The following RMI2 variants were observed in gnomAD, a reference collection of about 807,000 sequenced individuals.
RMI2 encodes recQ-mediated genome instability protein 2.
A neutral mutation model predicts 8.4 loss-of-function variants in RMI2; 11 were observed. The ratio of observed to expected loss-of-function variants is 1.32; its 90% CI spans 0.83 to 2.18. The LOEUF (loss-of-function observed/expected upper bound fraction) is 2.18. RMI2 is among the 30% of genes most tolerant of loss of function. The pLI is 0.00. For missense variants in RMI2, 253 were observed against 207.5 expected, an observed-to-expected ratio of 1.22 and a Z score of -1.35; for synonymous variants, 105 against 93.8, an observed-to-expected ratio of 1.12 and a Z score of -0.69.
At chr16:11,346,888 G>T (rs2141211867) in intron 1 of RMI2, among the ~76,000 whole-genome samples, 1 of 152,340 alleles carries the variant, frequency 6.6e-6, no homozygotes, top group East Asian at 1.9e-4. Context: ...ACCACGCCTG[G>T]TTTGGGGGCC....
chr16:11,351,130 T>A lies in RMI2; in HGVS notation c.*340T>A, dbSNP rs1466467641. On this transcript the variant is annotated 3_prime_UTR_variant, in exon 2 of 2. Transcript: ENST00000312499. ...TTCCAAATTTTATGAGTGATGATAC[T>A]TTTTCCATTACTGCTGCGTCCCTGT... The A allele has an allele frequency of 7.9e-6, 2 of 251,714 alleles. No homozygotes were observed. The highest frequency in any genetic ancestry group is 4.4e-5 in the African/African-American group (2 of 45,620). 15.6% of individuals were successfully genotyped at this position (251,714 alleles called of 1,614,324 possible). A position where few individuals can be genotyped will look rare whatever the true frequency, so the allele number is the denominator to read the frequency against.
In RMI2 at chr16:11,350,738, A is replaced by G. The variant is rs1366145059; in HGVS notation, c.392A>G (p.His131Arg). ...ACAGACCTTTCTGATAATCCCATCC[A>G]TGAAAGTATGTGGGAACTGGAGGTA... The part of the protein sequence containing the change: ...KMTDLSDNPI[H>R]ESMWELEVED... Residue 131 changes from histidine to arginine, a missense_variant, in exon 2 of 2, where the codon CAT becomes CGT. His to Arg is a conservative substitution (Grantham distance 29). Transcript: ENST00000312499. 10 of 1,613,628 alleles carry G rather than the reference A, an allele frequency of 6.2e-6. No individual in the cohort carries two copies. The highest frequency in any genetic ancestry group is 1.6e-4 in the Middle Eastern group (1 of 6,062).
In RMI2 at chr16:11,349,825, A is replaced by G. The variant is rs75445525; in HGVS notation, c.296-817A>G. Among the ~76,000 whole-genome samples, 692 of 152,280 alleles carry G rather than the reference A, an allele frequency of 4.5e-3. 3 individuals carry two copies. Among genetic ancestry groups the G allele is most frequent in the African/African-American group, 0.016 (648 of 41,556 alleles). ...AGCATTTGGAGTTTTCTTTTACACA[A>G]TCGGGTTTTATGTGGTTGAGACTGG... On this transcript the variant is annotated intron_variant, in intron 1 of 1. Coordinates refer to ENST00000312499, the MANE Select transcript of RMI2 (RefSeq NM_152308.3). The surrounding 1 kb of genome is among the most constrained non-coding windows in gnomAD (Gnocchi z 4.2).
chr16:11,346,989 C>T (rs2070884013), intron 1 of RMI2, among the ~76,000 whole-genome samples: 1 of 152,234 alleles, frequency 6.6e-6, no homozygotes, highest in African/African-American at 2.4e-5. Context: ...TGGCCCAGTT[C>T]CTGACACATA....
At position 11,350,730 on chromosome 16, in the gene RMI2, T is replaced by G. The variant is rs1382028514; in HGVS notation, c.384T>G (p.Asn128Lys). Residue 128 changes from asparagine to lysine, a missense_variant, in exon 2 of 2, where the codon AAT becomes AAG. Asn to Lys is a moderately conservative substitution (Grantham distance 94). Transcript: ENST00000312499. ...TGAAGATGACAGACCTTTCTGATAA[T>G]CCCATCCATGAAAGTATGTGGGAAC... ...QAVKMTDLSDNPIHESMWELE... is the reference protein window; with the variant it reads ...QAVKMTDLSDKPIHESMWELE... The G allele has an allele frequency of 6.2e-7, 1 of 1,613,506 alleles. No individual in the cohort carries two copies. Among genetic ancestry groups the G allele is most frequent in the Admixed American group, 1.7e-5 (1 of 59,984 alleles).
chr16:11,350,409 G>A (rs550121850), intron 1 of RMI2, among the ~76,000 whole-genome samples: 3 of 152,240 alleles, frequency 2.0e-5, no homozygotes, highest in Admixed American at 2.0e-4. Flanking sequence ...TGGCCAACAT[G>A]TGAAACCCTA....
At chr16:11,350,454 GT>G (rs1449488179) in intron 1 of RMI2, among the ~76,000 whole-genome samples, 187 bp from the exon 2 acceptor site, 4 of 152,284 alleles carry the variant, frequency 2.6e-5, no homozygotes, top group African/African-American at 4.8e-5. Context: ...GCCAGGCATA[GT>G]GGCAGGCACC....
Position 11,346,255 on chromosome 16 carries a change from C to CTTTT in RMI2, c.295+508_295+511dup, listed in dbSNP as rs34808246. Among the ~76,000 whole-genome samples, 653 of 115,910 alleles carry CTTTT rather than the reference C, an allele frequency of 5.6e-3. 6 individuals carry two copies. Among genetic ancestry groups the CTTTT allele is most frequent in the Non-Finnish European group, 8.7e-3 (496 of 57,034 alleles). 76.0% of individuals were successfully genotyped at this position (115,910 alleles called of 152,430 possible). On this transcript the variant is annotated intron_variant, in intron 1 of 1. Transcript: ENST00000312499. ...TAGCTCACTCATGTTTGCCTCCTCT[C>CTTTT]TTTTTTTTTTTTTTTTTTTTTTGAG... is the stretch of plus-strand genomic sequence containing the variant.
Position 11,350,834 on chromosome 16 carries a change from T to G in RMI2, c.*44T>G. 1 of 1,502,666 alleles carries G rather than the reference T, an allele frequency of 6.7e-7. No homozygotes were observed. 93.1% of individuals were successfully genotyped at this position (1,502,666 alleles called of 1,614,324 possible). On this transcript the variant is annotated 3_prime_UTR_variant, in exon 2 of 2. Coordinates refer to ENST00000312499, the MANE Select transcript of RMI2 (RefSeq NM_152308.3). ...TTAAAAACAACCAAAATCCCGAAAC[T>G]ATTTAGAAGCTTATAATGATGTGGA...
chr16:11,345,642 C>T lies in RMI2; in HGVS notation c.171C>T (p.Ala57=), dbSNP rs756366039. ...GCCGCGGGCCGCTGGACCTGGCGGCCGTGTGGATGCAGGGCAGGGTAGTGA... is the reference window on the plus strand; with the variant it reads ...GCCGCGGGCCGCTGGACCTGGCGGCTGTGTGGATGCAGGGCAGGGTAGTGA... The part of the protein sequence containing the change: ...AAGRGPLDLA[A]VWMQGRVVMA... The change falls in exon 1 of 2, where the codon GCC becomes GCT. Residue 57 remains alanine (A), a synonymous_variant. Coordinates refer to ENST00000312499, the MANE Select transcript of RMI2 (RefSeq NM_152308.3). 2 of 1,262,436 alleles carry T rather than the reference C, an allele frequency of 1.6e-6. No homozygotes were observed. The highest frequency in any genetic ancestry group is 9.9e-7 in the Non-Finnish European group (1 of 1,005,516). The allele number at this position is 1,262,436 out of a possible 1,614,324, so 78.2% of individuals were successfully genotyped here.
rs1164565653 is a variant in RMI2 at position 11,349,675 on chromosome 16, G to A, written c.296-967G>A. ...GATACTTGAGCACATCCTGCCTGGG[G>A]TTGAACAGCAGGATCAGGGGTCAGC... is the stretch of plus-strand genomic sequence containing the variant. On this transcript the variant is annotated intron_variant, in intron 1 of 1. Coordinates refer to ENST00000312499, the MANE Select transcript of RMI2 (RefSeq NM_152308.3). This position sits in a 1 kb window ranked among gnomAD's most constrained non-coding sequence, Gnocchi z 4.2. Among the ~76,000 whole-genome samples the A allele has an allele frequency of 6.6e-6, 1 of 152,178 alleles. No homozygotes were observed. The highest frequency in any genetic ancestry group is 1.5e-5 in the Non-Finnish European group (1 of 68,032).
intron 1 of RMI2, among the ~76,000 whole-genome samples, chr16:11,346,106 CT>C (rs2070863243): frequency 6.6e-6 from 1 of 152,184 alleles, no homozygotes; most frequent in African/African-American, 2.4e-5. Flanking sequence ...AAATACTGTC[CT>C]GGGAAACTTC....
chr16:11,345,766 G>A lies in RMI2; in HGVS notation c.295G>A (p.Gly99Arg), dbSNP rs2070853626. 22 of 1,236,088 alleles carry A rather than the reference G, an allele frequency of 1.8e-5. No homozygotes were observed. Among genetic ancestry groups the A allele is most frequent in the South Asian group, 4.0e-5 (1 of 24,810 alleles). The allele number at this position is 1,236,088 out of a possible 1,614,324, so 76.6% of individuals were successfully genotyped here. ...VPRGRPCLVPGKYVMVMGVVQ... is the reference protein window; with the variant it reads ...VPRGRPCLVPRKYVMVMGVVQ... ...GCGCGGGCGGCCCTGTCTAGTCCCA[G>A]GTAATGCCCGGGCCTTACCGGGCGC... Residue 99 changes from glycine (G) to arginine (R), a missense_variant and splice_region_variant, in exon 1 of 2, where the codon GGA (glycine) becomes AGA (arginine). Physicochemically the swap from Gly to Arg is moderately radical, Grantham distance 125. Transcript: ENST00000312499.
Position 11,345,486 on chromosome 16 carries a change from G to C in RMI2, c.15G>C (p.Ala5=). ...GGCGAGGCGGAATGGCGGCGGCTGCGGACTCGTTCTCAGGCGGCCCCGCGG... is the reference window on the plus strand; with the variant it reads ...GGCGAGGCGGAATGGCGGCGGCTGCCGACTCGTTCTCAGGCGGCCCCGCGG... MAAA[A]DSFSGGPAGV... Residue 5 remains alanine (A), a synonymous_variant, in exon 1 of 2, where the codon GCG becomes GCC. Coordinates refer to ENST00000312499, the MANE Select transcript of RMI2 (RefSeq NM_152308.3). 1.5e-6 allele frequency: 2 copies of C among 1,316,366 alleles called. No individual in the cohort carries two copies. The highest frequency in any genetic ancestry group is 3.1e-5 in the East Asian group (1 of 32,194). 81.5% of individuals were successfully genotyped at this position (1,316,366 alleles called of 1,614,324 possible).
In RMI2 at chr16:11,345,511, G is replaced by A. The variant is rs901712078; in HGVS notation, c.40G>A (p.Gly14Arg). 1.5e-6 allele frequency: 2 copies of A among 1,305,582 alleles called. No homozygotes were observed. The highest frequency in any genetic ancestry group is 3.2e-5 in the Admixed American group (1 of 31,542). The allele number at this position is 1,305,582 out of a possible 1,614,324, so 80.9% of individuals were successfully genotyped here. A position where few individuals can be genotyped will look rare whatever the true frequency, so the allele number is the denominator to read the frequency against. Reference sequence around the variant, plus strand: ...GGACTCGTTCTCAGGCGGCCCCGCGGGGGTGCGGCTTCCGAGGTCGCCGCC... The same window carrying A: ...GGACTCGTTCTCAGGCGGCCCCGCGAGGGTGCGGCTTCCGAGGTCGCCGCC... The part of the protein sequence containing the change: ...AADSFSGGPA[G>R]VRLPRSPPLK... Residue 14 changes from glycine (G) to arginine (R), a missense_variant, in exon 1 of 2, where the codon GGG becomes AGG. By Grantham distance (125) the Gly-to-Arg change is moderately radical. Coordinates refer to ENST00000312499, the MANE Select transcript of RMI2 (RefSeq NM_152308.3).
At chr16:11,345,992 G>C (rs2070860245) in intron 1 of RMI2, among the ~76,000 whole-genome samples, 1 of 152,188 alleles carries the variant, frequency 6.6e-6, no homozygotes, top group African/African-American at 2.4e-5. Flanking sequence ...TACAAATACA[G>C]ATTCCTGGGA....
At chr16:11,345,907 C>G (rs2070857621) in intron 1 of RMI2, 141 bp downstream of exon 1, 1 of 588,158 alleles carries the variant, frequency 1.7e-6, no homozygotes, top group Non-Finnish European at 2.5e-6. Context: ...CCTGCGGGTC[C>G]CCGCTTGGGT....
At position 11,351,701 on chromosome 16, in the gene RMI2, A is replaced by G. The variant is rs1424330645; in HGVS notation, c.*911A>G. Reference sequence around the variant, plus strand: ...CAAAGGAGTTAGATTGTGTTCTGACATGGTTGTAGACTTTCACCTGGATTA... The same window carrying G: ...CAAAGGAGTTAGATTGTGTTCTGACGTGGTTGTAGACTTTCACCTGGATTA... On this transcript the variant is annotated 3_prime_UTR_variant, in exon 2 of 2. Coordinates refer to ENST00000312499, the MANE Select transcript of RMI2 (RefSeq NM_152308.3). 9.0e-6 allele frequency: 2 copies of G among 222,916 alleles called. No homozygotes were observed. Among genetic ancestry groups the G allele is most frequent in the Non-Finnish European group, 1.8e-5 (2 of 111,820 alleles). 13.8% of individuals were successfully genotyped at this position (222,916 alleles called of 1,614,324 possible). A position where few individuals can be genotyped will look rare whatever the true frequency, so the allele number is the denominator to read the frequency against.
rs543014952 is a variant in RMI2 at position 11,351,316 on chromosome 16, C to T, written c.*526C>T. 3 of 232,834 alleles carry T rather than the reference C, an allele frequency of 1.3e-5. No homozygotes were observed. Among genetic ancestry groups the T allele is most frequent in the African/African-American group, 6.6e-5 (3 of 45,438 alleles). 14.4% of individuals were successfully genotyped at this position (232,834 alleles called of 1,614,324 possible). ...TTGCGAGTCAAATGGCATTTCCTAA[C>T]GGCAGGCATGGCGGCCCCTGAAAGA... is the stretch of plus-strand genomic sequence containing the variant. On this transcript the variant is annotated 3_prime_UTR_variant, in exon 2 of 2. Coordinates refer to ENST00000312499, the MANE Select transcript of RMI2 (RefSeq NM_152308.3).
Sources: gnomAD v4.1 joint callset for allele counts (sites outside exome capture counted in the v4.1 genomes callset) on GRCh38, gnomAD v4.1.1 for gene constraint, Gnocchi (gnomAD v3.1) non-coding constraint, MANE v1.5 for transcripts, NCBI Gene and HGNC (gene_info 2026-07-23, HGNC 2026-07-21) for gene names.